The following DNMBP variants were observed in gnomAD, a reference collection of about 807,000 sequenced individuals.
DNMBP encodes the protein dynamin-binding protein.
DNMBP carries 87 observed loss-of-function variants against 150.0 expected under a neutral mutation model. The observed-to-expected ratio is 0.58, with a 90% CI of 0.49 to 0.69. DNMBP has a LOEUF of 0.69. Ranked by LOEUF, DNMBP falls within the 30% of genes least tolerant of loss-of-function variation. The pLI, the probability that DNMBP is intolerant of heterozygous loss-of-function variation, is 0.00. For synonymous variants in DNMBP, 711 were observed against 750.4 expected (o/e 0.95, Z 0.86); for missense variants, 1,774 against 1,949.0 (o/e 0.91, Z 1.69).
At chr10:99,940,497 AC>A (rs1464775684) in intron 4 of DNMBP, among the ~76,000 whole-genome samples, 1 of 151,542 alleles carries the variant, frequency 6.6e-6, no homozygotes, top group Non-Finnish European at 1.5e-5. Flanking sequence ...CCTCCTGACC[AC>A]TCACTATCTA....
At chr10:99,880,906 C>T (rs2039357212) in intron 15 of DNMBP, among the ~76,000 whole-genome samples, 1 of 152,176 alleles carries the variant, frequency 6.6e-6, no homozygotes, top group Admixed American at 6.5e-5. Flanking sequence ...CTGGTCAACA[C>T]AGCGAGACTT....
chr10:99,951,548 GA>G (rs2040422603), intron 4 of DNMBP, among the ~76,000 whole-genome samples: 1 of 152,230 alleles, frequency 6.6e-6, no homozygotes, highest in Non-Finnish European at 1.5e-5. Context: ...AACACCATGG[GA>G]ACCCACCTCT....
chr10:100,005,764 C>CAAAAA (rs760685767), intron 1 of DNMBP, among the ~76,000 whole-genome samples: 6 of 37,966 alleles, frequency 1.6e-4, no homozygotes, highest in African/African-American at 6.1e-4. Flanking sequence ...CAAAAGTCTC[C>CAAAAA]AAAAAAAAAA....
At chr10:99,969,044 A>T in intron 3 of DNMBP, 71 bp downstream of exon 3, 1 of 1,584,416 alleles carries the variant, frequency 6.3e-7, no homozygotes, top group Non-Finnish European at 8.6e-7. Flanking sequence ...TTCAAAAAGG[A>T]TCTGGTTGTC....
intron 10 of DNMBP, among the ~76,000 whole-genome samples, chr10:99,896,028 C>T (rs2039647228): frequency 6.6e-6 from 1 of 152,084 alleles, no homozygotes; most frequent in Non-Finnish European, 1.5e-5. Flanking sequence ...TTTGTCCCAC[C>T]AAATCAATTA....
chr10:100,008,481 C>G (rs908494966), intron 1 of DNMBP, among the ~76,000 whole-genome samples: 1 of 152,162 alleles, frequency 6.6e-6, no homozygotes, highest in Admixed American at 6.5e-5. Context: ...GAATTTAACA[C>G]GTAAGTATCT....
At chr10:99,982,577 T>G (rs2040790017) in intron 1 of DNMBP, among the ~76,000 whole-genome samples, 1 of 152,158 alleles carries the variant, frequency 6.6e-6, no homozygotes, top group Non-Finnish European at 1.5e-5. Flanking sequence ...ACATACATTT[T>G]GAAGGTTTAA....
chr10:99,979,604 G>A (rs1400626301), intron 1 of DNMBP, among the ~76,000 whole-genome samples: 2 of 152,140 alleles, frequency 1.3e-5, no homozygotes, highest in East Asian at 3.8e-4. Flanking sequence ...TAATCTTTGT[G>A]CTCCAAGACA....
At chr10:99,980,344 G>A (rs944332847) in intron 1 of DNMBP, among the ~76,000 whole-genome samples, 27 of 151,974 alleles carry the variant, frequency 1.8e-4, no homozygotes, top group African/African-American at 6.5e-4. Flanking sequence ...CTACTCAAGA[G>A]GCTGAGGCAG....
At chr10:99,909,910 TCTGA>T (rs765906809) in intron 4 of DNMBP, among the ~76,000 whole-genome samples, 6 of 152,256 alleles carry the variant, frequency 3.9e-5, no homozygotes, top group East Asian at 1.9e-4. Context: ...TTTACAATTA[TCTGA>T]CTATTACTTA....
intron 1 of DNMBP, among the ~76,000 whole-genome samples, chr10:99,996,392 C>G (rs1195196482): frequency 6.6e-6 from 1 of 152,126 alleles, no homozygotes; most frequent in Non-Finnish European, 1.5e-5. Context: ...TGGTGGCACC[C>G]GCCTGTAATC....
intron 1 of DNMBP, among the ~76,000 whole-genome samples, chr10:99,993,173 T>C (rs1462068442): frequency 6.6e-6 from 1 of 152,224 alleles, no homozygotes; most frequent in Non-Finnish European, 1.5e-5. Context: ...GTGTCAGCTA[T>C]TATCATTATC....
intron 5 of DNMBP, among the ~76,000 whole-genome samples, chr10:99,908,728 C>CT (rs1418953876): frequency 6.6e-6 from 1 of 152,214 alleles, no homozygotes; most frequent in East Asian, 1.9e-4. Context: ...CTAGGAGTGA[C>CT]TGCAGTGTCT....
In DNMBP at chr10:99,969,107, C is replaced by T; in HGVS notation, c.268+8G>A. 1 of 1,613,680 alleles carries T rather than the reference C, an allele frequency of 6.2e-7. No homozygotes were observed. Among genetic ancestry groups the T allele is most frequent in the South Asian group, 1.1e-5 (1 of 91,046 alleles). ...TTCAAATAGTCTACTATTTGATGAG[C>T]AGCTTACCTCGATGGAGGGGAAGAT... On this transcript the variant is annotated splice_region_variant and intron_variant, in intron 3 of 16. Coordinates refer to ENST00000324109, the MANE Select transcript of DNMBP (RefSeq NM_015221.4).
intron 1 of DNMBP, among the ~76,000 whole-genome samples, chr10:100,006,477 G>T (rs2041072252): frequency 6.6e-6 from 1 of 152,264 alleles, no homozygotes; most frequent in African/African-American, 2.4e-5. Context: ...AGCTTGAAAA[G>T]GTCTCCCTGA....
At chr10:99,925,752 T>C (rs1406673152) in intron 4 of DNMBP, among the ~76,000 whole-genome samples, 1 of 152,224 alleles carries the variant, frequency 6.6e-6, no homozygotes, top group Non-Finnish European at 1.5e-5. Context: ...ATTTACATAA[T>C]ACATTTATGT....
intron 1 of DNMBP, among the ~76,000 whole-genome samples, chr10:99,982,691 G>A (rs965529344): frequency 6.6e-6 from 1 of 151,848 alleles, no homozygotes; most frequent in Non-Finnish European, 1.5e-5. Context: ...GGTGGCTCAC[G>A]CCTGTAATCC....
chr10:99,953,819 A>AAAAAAAAAAAAAAAAAAG (rs1229016312), intron 4 of DNMBP, among the ~76,000 whole-genome samples: 5 of 133,532 alleles, frequency 3.7e-5, no homozygotes, highest in African/African-American at 5.9e-5. Flanking sequence ...GTCTCAAAAA[A>AAAAAAAAAAAAAAAAAAG]AAAAAGAAAA....
At chr10:99,887,779 A>T (rs942259869) in intron 12 of DNMBP, among the ~76,000 whole-genome samples, 3 of 152,190 alleles carry the variant, frequency 2.0e-5, no homozygotes, top group Non-Finnish European at 4.4e-5. Flanking sequence ...AAACAATCCC[A>T]TATATATGGA....
Sources: gnomAD v4.1 joint callset for allele counts (sites outside exome capture counted in the v4.1 genomes callset) on GRCh38, gnomAD v4.1.1 for gene constraint, MANE v1.5 for transcripts, NCBI Gene and HGNC (gene_info 2026-07-23, HGNC 2026-07-21) for gene names.